Variants in CDH13 observed in about 807,000 individuals in gnomAD.
CDH13 encodes the protein cadherin 13, also known as cadherin-13.
A neutral mutation model predicts 63.8 loss-of-function variants in CDH13; 24 were observed. That is an observed-to-expected ratio of 0.38 (90% CI 0.27 to 0.53). The LOEUF (loss-of-function observed/expected upper bound fraction) is 0.53, where lower values mean the gene tolerates loss of function less well. Among genes scored for constraint, CDH13 ranks in the 20% least tolerant of loss-of-function variants. The probability of loss-of-function intolerance (pLI) is 0.85; values close to 1 mark genes in which losing one functional copy is unlikely to be tolerated. For synonymous variants in CDH13, 503 were observed against 355.3 expected (o/e 1.42, Z -4.67); for missense variants, 1,049 against 903.1 (o/e 1.16, Z -2.07).
chr16:83,132,133 C>T (rs1221927339), intron 4 of CDH13, among the ~76,000 whole-genome samples: 1 of 152,108 alleles, frequency 6.6e-6, no homozygotes, highest in Admixed American at 6.5e-5. Flanking sequence ...ATTTAATAGC[C>T]ATTTGCCTCA....
At chr16:83,298,368 A>G (rs79806687) in intron 5 of CDH13, among the ~76,000 whole-genome samples, 5,031 of 152,304 alleles carry the variant, frequency 0.033, 194 homozygotes, top group African/African-American at 0.085. Flanking sequence ...GCCAGCAAGA[A>G]TAATAACTTT....
At chr16:83,613,848 T>A (rs1015773620) in intron 8 of CDH13, among the ~76,000 whole-genome samples, 5 of 151,868 alleles carry the variant, frequency 3.3e-5, no homozygotes, top group South Asian at 2.1e-4. Flanking sequence ...AAATTTTTTT[T>A]AATTAATAAA....
chr16:82,643,173 G>A (rs931281417), intron 1 of CDH13, among the ~76,000 whole-genome samples: 1 of 152,162 alleles, frequency 6.6e-6, no homozygotes, highest in Non-Finnish European at 1.5e-5. Context: ...CCAAACCTGG[G>A]AATCATATAT....
intron 7 of CDH13, among the ~76,000 whole-genome samples, chr16:83,518,715 C>T (rs977672851): frequency 2.6e-5 from 4 of 151,946 alleles, no homozygotes; most frequent in African/African-American, 9.7e-5. Flanking sequence ...TCGTGATCTG[C>T]CCGCCTCAGC....
Position 83,217,350 on chromosome 16 carries a change from C to G in CDH13, c.489C>G (p.Val163=). The G allele has an allele frequency of 6.2e-7, 1 of 1,613,702 alleles. No homozygotes were observed. Among genetic ancestry groups the G allele is most frequent in the South Asian group, 1.1e-5 (1 of 91,064 alleles). Residue 163 remains valine (V), a synonymous_variant, in exon 5 of 14, where the codon GTC becomes GTG. Coordinates refer to ENST00000567109, the MANE Select transcript of CDH13 (RefSeq NM_001257.5). ...CTCTCTGTTTTTCTGACTAGGTAGT[C>G]GATAGTGACAGGCCAGAAAGGTCCA... The part of the protein sequence containing the change: ...QPFPRDVGKV[V]DSDRPERSKF...
intron 1 of CDH13, among the ~76,000 whole-genome samples, chr16:82,726,554 G>T (rs1406467137): frequency 1.3e-5 from 2 of 152,172 alleles, no homozygotes; most frequent in African/African-American, 4.8e-5. Flanking sequence ...CTGACCTCTG[G>T]ATTACAGTCT....
At chr16:83,704,620 A>T (rs572166107) in intron 10 of CDH13, among the ~76,000 whole-genome samples, 57 of 152,324 alleles carry the variant, frequency 3.7e-4, no homozygotes, top group African/African-American at 1.3e-3. Context: ...CATCAGTGCA[A>T]TTCTAAGAAT....
chr16:83,204,448 T>C (rs1286468224), intron 4 of CDH13, among the ~76,000 whole-genome samples: 1 of 152,176 alleles, frequency 6.6e-6, no homozygotes. Context: ...ATCATCACCA[T>C]CATTTTAAAC....
chr16:83,050,462 C>G (rs982742112), intron 3 of CDH13, among the ~76,000 whole-genome samples: 1 of 152,192 alleles, frequency 6.6e-6, no homozygotes. Flanking sequence ...AGACACCATA[C>G]TGTCCTTGTT....
chr16:83,253,160 T>C (rs971326425), intron 5 of CDH13, among the ~76,000 whole-genome samples: 2 of 152,172 alleles, frequency 1.3e-5, no homozygotes, highest in Admixed American at 1.3e-4. Flanking sequence ...TCAAGCTGCA[T>C]TTGAAAAGTT....
At chr16:83,761,122 G>A (rs984647865) in intron 11 of CDH13, among the ~76,000 whole-genome samples, 1 of 152,184 alleles carries the variant, frequency 6.6e-6, no homozygotes. Context: ...ACCCCTTAGA[G>A]GATACAAACT....
At chr16:82,661,922 TTTACA>T (rs1268641357) in intron 1 of CDH13, among the ~76,000 whole-genome samples, 3 of 152,224 alleles carry the variant, frequency 2.0e-5, no homozygotes, top group Admixed American at 6.5e-5. Flanking sequence ...CATGTGACTG[TTTACA>T]TTTCATTTAA....
At chr16:82,663,340 C>A (rs565418186) in intron 1 of CDH13, among the ~76,000 whole-genome samples, 1 of 152,286 alleles carries the variant, frequency 6.6e-6, no homozygotes, top group South Asian at 2.1e-4. Context: ...GCATGCAGCA[C>A]CAGGCCCGGC....
chr16:83,072,908 C>T (rs936900611), intron 3 of CDH13, among the ~76,000 whole-genome samples: 69 of 152,306 alleles, frequency 4.5e-4, no homozygotes, highest in African/African-American at 1.5e-3. Flanking sequence ...TGTGGGCTCT[C>T]ATATTCCTTT....
intron 2 of CDH13, among the ~76,000 whole-genome samples, chr16:82,988,516 G>C (rs11862994): frequency 0.25 from 37,966 of 151,894 alleles, 4,815 homozygotes; most frequent in Middle Eastern, 0.31. Flanking sequence ...AATCCCAGCA[G>C]TTTGGGAGGC....
intron 1 of CDH13, among the ~76,000 whole-genome samples, chr16:82,662,048 C>T (rs796880964): frequency 1.4e-4 from 21 of 152,302 alleles, no homozygotes; most frequent in African/African-American, 2.4e-4. Context: ...AGGACATCCC[C>T]GCCATCACAG....
At chr16:83,439,649 T>C (rs1187426583) in intron 6 of CDH13, among the ~76,000 whole-genome samples, 1 of 152,226 alleles carries the variant, frequency 6.6e-6, no homozygotes, top group Non-Finnish European at 1.5e-5. Flanking sequence ...TGTTCAGGTC[T>C]GTCTGTGTTC....
chr16:83,312,723 C>T (rs2090026958), intron 5 of CDH13, among the ~76,000 whole-genome samples: 1 of 152,170 alleles, frequency 6.6e-6, no homozygotes, highest in African/African-American at 2.4e-5. Flanking sequence ...GCATCTCCCA[C>T]ACCATGTAAT....
intron 1 of CDH13, among the ~76,000 whole-genome samples, chr16:82,790,120 A>G (rs1188944284): frequency 2.0e-5 from 3 of 152,102 alleles, no homozygotes; most frequent in Admixed American, 2.0e-4. Flanking sequence ...CCCCCTCGCA[A>G]CACACACACG....
Sources: allele counts gnomAD v4.1 joint callset (sites outside exome capture counted in the v4.1 genomes callset), GRCh38; gene constraint gnomAD v4.1.1; transcripts MANE v1.5; gene names NCBI Gene and HGNC (gene_info 2026-07-23, HGNC 2026-07-21).